The following DMGDH variants were observed in gnomAD, a reference collection of about 807,000 sequenced individuals.
The protein encoded by DMGDH is dimethylglycine dehydrogenase, also known as dimethylglycine dehydrogenase, mitochondrial.
A neutral mutation model predicts 95.2 loss-of-function variants in DMGDH; 76 were observed. That is an observed-to-expected ratio of 0.80 (90% CI 0.66 to 0.97). DMGDH has a LOEUF of 0.97. Among genes scored for constraint, DMGDH ranks in the 50% least tolerant of loss-of-function variants. The pLI, the probability that DMGDH is intolerant of heterozygous loss-of-function variation, is 0.00. For synonymous variants in DMGDH, 345 were observed against 377.6 expected (o/e 0.91, Z 1.00); for missense variants, 987 against 1,055.0 (o/e 0.94, Z 0.89).
At chr5:79,031,919 C>A (rs1423025271) in intron 9 of DMGDH, among the ~76,000 whole-genome samples, 1 of 151,954 alleles carries the variant, frequency 6.6e-6, no homozygotes, top group Non-Finnish European at 1.5e-5. Flanking sequence ...CTTATAAAGC[C>A]CAAATTCATT....
At chr5:79,000,790 A>C in intron 15 of DMGDH, 1 of 636,332 alleles carries the variant, frequency 1.6e-6, no homozygotes, top group South Asian at 1.7e-5. Flanking sequence ...CTTAGCCTGG[A>C]TCCCAGGGAC....
At chr5:79,024,794 G>A (rs1021275093) in intron 13 of DMGDH, among the ~76,000 whole-genome samples, 1 of 152,240 alleles carries the variant, frequency 6.6e-6, no homozygotes, top group African/African-American at 2.4e-5. Context: ...AGGAATAAGC[G>A]GAGTTTGAAT....
At chr5:79,039,271 T>C (rs1403887980) in intron 7 of DMGDH, among the ~76,000 whole-genome samples, 1 of 152,164 alleles carries the variant, frequency 6.6e-6, no homozygotes, top group Non-Finnish European at 1.5e-5. Flanking sequence ...ATGTTTATTG[T>C]GGCACTATTC....
chr5:78,998,050 C>T lies in DMGDH; in HGVS notation c.*32G>A, dbSNP rs772883155. The T allele has an allele frequency of 1.7e-5, 28 of 1,609,052 alleles. No individual in the cohort carries two copies. The highest frequency in any genetic ancestry group is 2.2e-5 in the Non-Finnish European group (26 of 1,175,590). ...TAATTTCAAGGACAGTCATTAGCAA[C>T]TCTAATTCAGTTGACTGCTGAAGGT... On this transcript the variant is annotated 3_prime_UTR_variant, in exon 16 of 16. Coordinates refer to ENST00000255189, the MANE Select transcript of DMGDH (RefSeq NM_013391.3).
chr5:79,026,326 T>A (rs1229441320), intron 13 of DMGDH, 98 bp downstream of exon 13: 5 of 1,491,988 alleles, frequency 3.4e-6, no homozygotes, highest in Non-Finnish European at 3.7e-6. Flanking sequence ...TAATTTCTCT[T>A]ACAGCCAAAA....
At chr5:79,051,261 T>A (rs1261445296) in intron 5 of DMGDH, 26 bp downstream of exon 5, 5 of 1,610,916 alleles carry the variant, frequency 3.1e-6, no homozygotes, top group Admixed American at 3.3e-5. Context: ...TAAAAAACAC[T>A]AATTTCAAAA....
Position 79,029,892 on chromosome 5 carries a change from G to A in DMGDH, c.1814+12C>T, listed in dbSNP as rs745380831. The A allele has an allele frequency of 6.2e-7, 1 of 1,613,698 alleles. No individual in the cohort carries two copies. Among genetic ancestry groups the A allele is most frequent in the Admixed American group, 1.7e-5 (1 of 59,992 alleles). ...AATGTGTACAAAATTTTCTTACTAG[G>A]TGTGCACTTACCTAAGATCATGAAG... On this transcript the variant is annotated intron_variant, in intron 11 of 15. Coordinates refer to ENST00000255189, the MANE Select transcript of DMGDH (RefSeq NM_013391.3).
At position 79,030,967 on chromosome 5, in the gene DMGDH, G is replaced by C. The variant is rs1324801052; in HGVS notation, c.1549C>G (p.Pro517Ala). 6.2e-7 allele frequency: 1 copy of C among 1,614,144 alleles called. No individual in the cohort carries two copies. Among genetic ancestry groups the C allele is most frequent in the Admixed American group, 1.7e-5 (1 of 60,020 alleles). ...PSFRRTNWFEPVGSEYKQVMQ... is the reference protein window; with the variant it reads ...PSFRRTNWFEAVGSEYKQVMQ... ...ACCTGTTTATACTCCGAGCCCACAG[G>C]CTCAAACCAGTTTGTGCGGCGAAAA... Residue 517 changes from proline (P) to alanine (A), a missense_variant, in exon 10 of 16, where the codon CCT becomes GCT. Transcript: ENST00000255189.
intron 7 of DMGDH, among the ~76,000 whole-genome samples, chr5:79,037,647 T>A (rs974779612): frequency 1.8e-4 from 28 of 152,134 alleles, no homozygotes; most frequent in African/African-American, 6.3e-4. Flanking sequence ...ATCAGTCACA[T>A]GCAAACAGAT....
intron 14 of DMGDH, among the ~76,000 whole-genome samples, chr5:79,022,933 C>T (rs1580193392): frequency 6.6e-6 from 1 of 152,172 alleles, no homozygotes; most frequent in Non-Finnish European, 1.5e-5. Context: ...CTTCTGCTAT[C>T]AGAGGGAGCA....
chr5:79,039,559 G>C (rs1272425594), intron 7 of DMGDH, among the ~76,000 whole-genome samples: 3 of 152,082 alleles, frequency 2.0e-5, no homozygotes, highest in Non-Finnish European at 4.4e-5. Context: ...GACTGTTGTG[G>C]GGTCAGGGGA....
chr5:78,998,423 G>T (rs1448016137), intron 15 of DMGDH, 126 bp from the exon 16 acceptor site: 11 of 837,726 alleles, frequency 1.3e-5, no homozygotes, highest in Non-Finnish European at 2.2e-5. Context: ...GTGCTGTCTG[G>T]GGGGACAACG....
chr5:79,054,457 G>T, intron 3 of DMGDH, 109 bp from the exon 4 acceptor site: 6 of 1,095,676 alleles, frequency 5.5e-6, no homozygotes, highest in South Asian at 5.3e-5. Context: ...GATTTATTAC[G>T]AGTGAAAGAA....
At position 78,997,595 on chromosome 5, in the gene DMGDH, T is replaced by G. The variant is rs1753383156; in HGVS notation, c.*487A>C. 6.2e-6 allele frequency: 1 copy of G among 161,770 alleles called. No individual in the cohort carries two copies. The highest frequency in any genetic ancestry group is 5.9e-5 in the Admixed American group (1 of 16,954). The allele number at this position is 161,770 out of a possible 1,614,324, so 10.0% of individuals were successfully genotyped here. On this transcript the variant is annotated 3_prime_UTR_variant, in exon 16 of 16. Transcript: ENST00000255189. ...TCAATGTTAAGTTTTACTATTTTCA[T>G]CACAGATATATCATGAAAAATTAAA... is the stretch of plus-strand genomic sequence containing the variant.
At chr5:79,037,080 C>T (rs1422600975) in intron 7 of DMGDH, among the ~76,000 whole-genome samples, 2 of 152,098 alleles carry the variant, frequency 1.3e-5, no homozygotes, top group Non-Finnish European at 2.9e-5. Flanking sequence ...CCATCTGCAA[C>T]CCAGGAAGAG....
intron 6 of DMGDH, among the ~76,000 whole-genome samples, 153 bp from the exon 7 acceptor site, chr5:79,042,634 C>A (rs1310908302): frequency 6.6e-6 from 1 of 152,154 alleles, no homozygotes; most frequent in Non-Finnish European, 1.5e-5. Flanking sequence ...TATTCCCTAT[C>A]AACAGATGAG....
rs760535327 is a variant in DMGDH, at chr5:79,011,313, A to C, written c.2251-5906T>G. Among the ~76,000 whole-genome samples, 75 of 152,228 alleles carry C rather than the reference A, an allele frequency of 4.9e-4. 1 individual carries two copies. Among genetic ancestry groups the C allele is most frequent in the Admixed American group, 2.0e-4 (3 of 15,286 alleles). ...AAACTAAAGCCCTACAAAATTATGG[A>C]TCTTGCCAGCAGCAACAAAGTGAGT... On this transcript the variant is annotated intron_variant, in intron 14 of 15. Transcript: ENST00000255189.
intron 12 of DMGDH, among the ~76,000 whole-genome samples, chr5:79,027,724 C>T (rs140491956): frequency 1.3e-5 from 2 of 152,112 alleles, no homozygotes; most frequent in Non-Finnish European, 2.9e-5. Flanking sequence ...AGGAGAGGTA[C>T]CTGATACCTT....
chr5:79,055,711 C>A (rs1306651930), intron 3 of DMGDH, 99 bp downstream of exon 3: 2 of 803,018 alleles, frequency 2.5e-6, no homozygotes, highest in East Asian at 2.6e-5. Flanking sequence ...ATTAAGCACT[C>A]CACACGGTCA....
Sources: gnomAD v4.1 joint callset for allele counts (sites outside exome capture counted in the v4.1 genomes callset) on GRCh38, gnomAD v4.1.1 for gene constraint, MANE v1.5 for transcripts, NCBI Gene and HGNC (gene_info 2026-07-23, HGNC 2026-07-21) for gene names.